Variants in TET1 observed in about 807,000 individuals in gnomAD.
The protein encoded by TET1 is methylcytosine dioxygenase TET1.
In TET1, 13 loss-of-function variants were observed where a neutral mutation model predicts 148.7. The ratio of observed to expected loss-of-function variants is 0.09; its 90% CI spans 0.06 to 0.14. The LOEUF (loss-of-function observed/expected upper bound fraction) is 0.14, where lower values mean the gene tolerates loss of function less well. Among genes scored for constraint, TET1 ranks in the 10% least tolerant of loss-of-function variants. The pLI, the probability that TET1 is intolerant of heterozygous loss-of-function variation, is 1.00. For missense variants in TET1, 2,182 were observed against 2,553.8 expected (o/e 0.85, Z 3.14); for synonymous variants, 907 against 937.2 (o/e 0.97, Z 0.59).
At chr10:68,622,456 C>T (rs376810986) in intron 3 of TET1, among the ~76,000 whole-genome samples, 26 of 152,000 alleles carry the variant, frequency 1.7e-4, no homozygotes, top group African/African-American at 5.8e-4. Flanking sequence ...TTAGTAGAGA[C>T]GGTTTCACCA....
chr10:68,574,764 C>T (rs1458480112), intron 2 of TET1, among the ~76,000 whole-genome samples: 1 of 152,196 alleles, frequency 6.6e-6, no homozygotes, highest in Non-Finnish European at 1.5e-5. Flanking sequence ...AATAATACAG[C>T]TTTTGTCTCA....
In TET1 at chr10:68,598,938, C is replaced by G. The variant is rs145818924; in HGVS notation, c.1915-2043C>G. Among the ~76,000 whole-genome samples the G allele has an allele frequency of 6.8e-3, 1,032 of 152,096 alleles. 14 individuals are homozygous for G. Among genetic ancestry groups the G allele is most frequent in the African/African-American group, 0.024 (982 of 41,468 alleles). ...CTGACCTCAGGTGATCTTCCTGCCT[C>G]GGCCTCCCAAAGTGTTAGGATTACA... On this transcript the variant is annotated intron_variant, in intron 2 of 11. Transcript: ENST00000373644.
chr10:68,563,414 T>C (rs749600947), intron 1 of TET1, among the ~76,000 whole-genome samples: 7 of 152,388 alleles, frequency 4.6e-5, no homozygotes, highest in Non-Finnish European at 1.0e-4. Context: ...CTTGTTTTTC[T>C]CTGCCAAGTG....
intron 3 of TET1, among the ~76,000 whole-genome samples, chr10:68,601,536 C>T (rs2054055667): frequency 6.6e-6 from 1 of 152,204 alleles, no homozygotes; most frequent in South Asian, 2.1e-4. Flanking sequence ...CTCAAATTCT[C>T]ATAATATCAT....
chr10:68,691,683 C>G lies in TET1; in HGVS notation c.6280C>G (p.Gln2094Glu). 1 of 1,614,194 alleles carries G rather than the reference C, an allele frequency of 6.2e-7. No individual in the cohort carries two copies. The highest frequency in any genetic ancestry group is 8.5e-7 in the Non-Finnish European group (1 of 1,180,040). ...KDQAANEGPE[Q>E]SSEVNELNQI... Reference sequence around the variant, plus strand: ...CCAGGCAGCTAATGAAGGTCCAGAACAGTCCTCTGAAGTAAATGAATTGAA... The same window carrying G: ...CCAGGCAGCTAATGAAGGTCCAGAAGAGTCCTCTGAAGTAAATGAATTGAA... Residue 2094 changes from glutamine (Q) to glutamate (E), a missense_variant, in exon 12 of 12, where the codon CAG becomes GAG. By Grantham distance (29) the Gln-to-Glu change is conservative. This residue lies in a region of TET1 where 54 missense variants were observed against 44.4 expected (regional missense o/e 1.22). Coordinates refer to ENST00000373644, the MANE Select transcript of TET1 (RefSeq NM_030625.3). The surrounding 1 kb of genome is among the most constrained non-coding windows in gnomAD (Gnocchi z 4.4).
intron 2 of TET1, among the ~76,000 whole-genome samples, chr10:68,589,615 G>A (rs1405853654): frequency 6.6e-6 from 1 of 151,418 alleles, no homozygotes; most frequent in Admixed American, 6.6e-5. Flanking sequence ...TAGTGCTCTG[G>A]GAGAGGTTCC....
At chr10:68,561,554 G>A (rs944001425) in intron 1 of TET1, among the ~76,000 whole-genome samples, 1 of 152,184 alleles carries the variant, frequency 6.6e-6, no homozygotes, top group African/African-American at 2.4e-5. Flanking sequence ...GGCCCCGAGG[G>A]TGGGAGGTGC....
At position 68,560,454 on chromosome 10, in the gene TET1, C is replaced by T. The variant is rs1009862120; in HGVS notation, c.-411C>T. Among the ~76,000 whole-genome samples, 1 of 152,214 alleles carries T rather than the reference C, an allele frequency of 6.6e-6. No individual in the cohort carries two copies. The highest frequency in any genetic ancestry group is 1.5e-5 in the Non-Finnish European group (1 of 68,028). Reference sequence around the variant, plus strand: ...GCGCGCAGCCGCTGGCCCCTCTACTCCCGGGTCTGCCCCCCGGGACACCCC... The same window carrying T: ...GCGCGCAGCCGCTGGCCCCTCTACTTCCGGGTCTGCCCCCCGGGACACCCC... On this transcript the variant is annotated 5_prime_UTR_variant, in exon 1 of 12. Coordinates refer to ENST00000373644, the MANE Select transcript of TET1 (RefSeq NM_030625.3).
At chr10:68,651,332 T>C (rs2054931119) in intron 4 of TET1, among the ~76,000 whole-genome samples, 1 of 152,028 alleles carries the variant, frequency 6.6e-6, no homozygotes, top group African/African-American at 2.4e-5. Context: ...CGGGTGCCTA[T>C]AGTCCCAGCT....
intron 1 of TET1, among the ~76,000 whole-genome samples, chr10:68,563,557 T>C (rs2053576609): frequency 6.6e-6 from 1 of 152,234 alleles, no homozygotes; most frequent in African/African-American, 2.4e-5. Flanking sequence ...TGACTTTAAT[T>C]TAACATGCAG....
At position 68,640,021 on chromosome 10, in the gene TET1, G is replaced by C. The variant is rs143616704; in HGVS notation, c.1969-4677G>C. On this transcript the variant is annotated intron_variant, in intron 3 of 11. Transcript: ENST00000373644. ...CGGCTCACTGCAACCTCCTCCTCCC[G>C]AGTTCAAGCGATTTTCATGCTTTAG... 9.5e-5 allele frequency among the ~76,000 whole-genome samples: 14 copies of C among 147,774 alleles called. No individual in the cohort carries two copies. The East Asian group carries it at 1.6e-3, about 17-fold the overall frequency.
At chr10:68,568,135 C>A (rs184993801) in intron 1 of TET1, among the ~76,000 whole-genome samples, 121 of 152,294 alleles carry the variant, frequency 7.9e-4, no homozygotes, top group African/African-American at 2.7e-3. Context: ...ACCTTGGCCT[C>A]CCAAAGTGCT....
chr10:68,654,583 C>T (rs1308346586), intron 6 of TET1, among the ~76,000 whole-genome samples: 2 of 152,280 alleles, frequency 1.3e-5, no homozygotes, highest in Admixed American at 6.5e-5. Flanking sequence ...TGCCTCTGCA[C>T]TCCAGCCTGG....
chr10:68,679,485 A>C (rs2055407305), intron 8 of TET1, among the ~76,000 whole-genome samples: 1 of 152,232 alleles, frequency 6.6e-6, no homozygotes, highest in African/African-American at 2.4e-5. Flanking sequence ...ACAAGTGTTA[A>C]CATTTCTCTG....
At chr10:68,682,320 C>T (rs1431972077) in intron 9 of TET1, among the ~76,000 whole-genome samples, 1 of 151,872 alleles carries the variant, frequency 6.6e-6, no homozygotes, top group Admixed American at 6.6e-5. Context: ...CCATGTTTCC[C>T]AGGCTGCTCT....
At chr10:68,617,759 T>C (rs979460007) in intron 3 of TET1, among the ~76,000 whole-genome samples, 6 of 151,692 alleles carry the variant, frequency 4.0e-5, no homozygotes, top group East Asian at 2.0e-4. Flanking sequence ...TTGGTCAGAC[T>C]GGTCTGGAAC....
chr10:68,657,992 A>G (rs1353680816), intron 6 of TET1, among the ~76,000 whole-genome samples: 4 of 152,214 alleles, frequency 2.6e-5, no homozygotes, highest in East Asian at 1.9e-4. Flanking sequence ...ATTTTGAACT[A>G]AGAAATCGAA....
intron 3 of TET1, among the ~76,000 whole-genome samples, chr10:68,634,319 C>T (rs2054619438): frequency 6.6e-6 from 1 of 152,200 alleles, no homozygotes; most frequent in Non-Finnish European, 1.5e-5. Flanking sequence ...TGCTATACTC[C>T]TACAACTCAC....
chr10:68,678,032 A>G lies in TET1; in HGVS notation c.4825-3367A>G, dbSNP rs550914313. On this transcript the variant is annotated intron_variant, in intron 8 of 11. Coordinates refer to ENST00000373644, the MANE Select transcript of TET1 (RefSeq NM_030625.3). ...CACCTCGGCCTTCCAAAGTCCTGGG[A>G]TTACAGGCGTGAGCCACCACGCCCA... Among the ~76,000 whole-genome samples the G allele has an allele frequency of 3.5e-4, 53 of 152,306 alleles. No homozygotes were observed. The East Asian group carries it at 8.3e-3, about 24-fold the overall frequency.
Sources: allele counts gnomAD v4.1 joint callset (sites outside exome capture counted in the v4.1 genomes callset), GRCh38; gene constraint gnomAD v4.1.1; regional missense constraint gnomAD v4.1.1; non-coding constraint Gnocchi (gnomAD v3.1); transcripts MANE v1.5; gene names NCBI Gene and HGNC (gene_info 2026-07-23, HGNC 2026-07-21).